INHBA: variants seen among roughly 807,000 people sequenced by gnomAD.
INHBA encodes the protein inhibin beta A chain.
In INHBA, 1 loss-of-function variant was observed where a neutral mutation model predicts 29.0. The ratio of observed to expected loss-of-function variants is 0.03; its 90% CI spans 0.01 to 0.16. INHBA has a LOEUF of 0.16. Among genes scored for constraint, INHBA ranks in the 10% least tolerant of loss-of-function variants. The pLI is 1.00. For missense variants in INHBA, 376 were observed against 545.4 expected, an observed-to-expected ratio of 0.69 and a Z score of 3.09; for synonymous variants, 242 against 216.8, an observed-to-expected ratio of 1.12 and a Z score of -1.02.
At chr7:41,691,221 C>G (rs916073682) in intron 2 of INHBA, 6 of 152,370 alleles carry the variant, frequency 3.9e-5, no homozygotes, top group African/African-American at 1.4e-4. Flanking sequence ...TCGAGACACA[C>G]TTGAGCCAGC....
intron 2 of INHBA, among the ~76,000 whole-genome samples, chr7:41,696,380 G>A (rs143588790): frequency 1.1e-3 from 160 of 152,220 alleles, no homozygotes; most frequent in African/African-American, 3.7e-3. Flanking sequence ...ATAGAGCTCC[G>A]GAATGTTCAC....
At chr7:41,704,473 C>CT (rs1484285253), upstream of INHBA, among the ~76,000 whole-genome samples, 2 of 152,090 alleles carry the variant, frequency 1.3e-5, no homozygotes, top group Non-Finnish European at 2.9e-5. Context: ...AACTCAAACC[C>CT]TTTATAAGAA....
chr7:41,704,255 G>T (rs968981688), upstream of INHBA, among the ~76,000 whole-genome samples: 2 of 152,034 alleles, frequency 1.3e-5, no homozygotes, highest in African/African-American at 4.8e-5. Context: ...TGTGTAAAAG[G>T]GTCTCTCTTG....
intron 2 of INHBA, among the ~76,000 whole-genome samples, chr7:41,693,746 T>A (rs1325801052): frequency 6.6e-6 from 1 of 152,210 alleles, no homozygotes; most frequent in East Asian, 1.9e-4. Context: ...ATTAACTGCA[T>A]GGCATCGCCT....
At chr7:41,694,829 G>A (rs1037539308) in intron 2 of INHBA, among the ~76,000 whole-genome samples, 13 of 152,126 alleles carry the variant, frequency 8.5e-5, no homozygotes, top group African/African-American at 2.7e-4. Flanking sequence ...CAGAAAAATG[G>A]GCAAAGAGAA....
At chr7:41,693,568 C>T (rs1403600092) in intron 2 of INHBA, among the ~76,000 whole-genome samples, 1 of 152,128 alleles carries the variant, frequency 6.6e-6, no homozygotes, top group African/African-American at 2.4e-5. Context: ...TGATCTAGCC[C>T]CACCCCTTCT....
intron 1 of INHBA, among the ~76,000 whole-genome samples, chr7:41,700,908 G>A (rs1269974794): frequency 1.4e-5 from 2 of 147,460 alleles, no homozygotes; most frequent in Admixed American, 1.4e-4. Flanking sequence ...GTGAGTGAAT[G>A]GAGAGGGAGG....
chr7:41,697,334 G>A (rs1794671573), intron 2 of INHBA, among the ~76,000 whole-genome samples: 1 of 152,188 alleles, frequency 6.6e-6, no homozygotes, highest in Admixed American at 6.5e-5. Context: ...GAGCCTTAGA[G>A]TGATTCCCTG....
chr7:41,695,867 G>A (rs1216835378), intron 2 of INHBA, among the ~76,000 whole-genome samples: 2 of 152,132 alleles, frequency 1.3e-5, no homozygotes, highest in African/African-American at 2.4e-5. Context: ...TCACGTGCAA[G>A]TATTTTTTAG....
rs141733287 is a variant in INHBA at position 41,690,385 on chromosome 7, C to T, written c.546G>A (p.Pro182=). The change falls in exon 3 of 3, where the codon CCG becomes CCA. Residue 182 remains proline (P), a synonymous_variant. Transcript: ENST00000242208. ...TIRLFQQQKH[P]QGSLDTGEEA... ...CTTCCCCTGTGTCCAAGCTGCCCTGCGGGTGCTTCTGCTGCTGGAAGAGGC... is the reference window on the plus strand; with the variant it reads ...CTTCCCCTGTGTCCAAGCTGCCCTGTGGGTGCTTCTGCTGCTGGAAGAGGC... 8.7e-6 allele frequency: 14 copies of T among 1,613,936 alleles called. No homozygotes were observed. In the Admixed American group the frequency reaches 1.0e-4, roughly 12 times the overall value.
At position 41,685,793 on chromosome 7, in the gene INHBA, C is replaced by A. The variant is rs1794382536; in HGVS notation, c.*3857G>T. 1 of 152,068 alleles carries A rather than the reference C, an allele frequency of 6.6e-6. No individual in the cohort carries two copies. Among genetic ancestry groups the A allele is most frequent in the Non-Finnish European group, 1.5e-5 (1 of 67,976 alleles). The allele number at this position is 152,068 out of a possible 1,614,324, so 9.4% of individuals were successfully genotyped here. ...GCTTCTAAGCATTCATTTTCTCTGACCCATACAACAGCTTCTCAGTGATAC... is the reference window on the plus strand; with the variant it reads ...GCTTCTAAGCATTCATTTTCTCTGAACCATACAACAGCTTCTCAGTGATAC... On this transcript the variant is annotated 3_prime_UTR_variant, in exon 3 of 3. Transcript: ENST00000242208.
In INHBA at chr7:41,690,268, G is replaced by C. The variant is rs776370904; in HGVS notation, c.663C>G (p.Phe221Leu). 1.2e-6 allele frequency: 2 copies of C among 1,614,056 alleles called. No individual in the cohort carries two copies. Among genetic ancestry groups the C allele is most frequent in the South Asian group, 1.1e-5 (1 of 91,066 alleles). Reference sequence around the variant, plus strand: ...ACCGCTGGATGCTGCTGGAGACAGGGAAGACATGCCAGGTGCTCTTCCGAG... The same window carrying C: ...ACCGCTGGATGCTGCTGGAGACAGGCAAGACATGCCAGGTGCTCTTCCGAG... ...VDARKSTWHV[F>L]PVSSSIQRLL... Residue 221 changes from phenylalanine to leucine, a missense_variant, in exon 3 of 3, where the codon TTC becomes TTG. Transcript: ENST00000242208.
In INHBA at chr7:41,688,241, A is replaced by G. The variant is rs889793120; in HGVS notation, c.*1409T>C. 6.6e-6 allele frequency: 1 copy of G among 152,268 alleles called. No individual in the cohort carries two copies. Among genetic ancestry groups the G allele is most frequent in the Non-Finnish European group, 1.5e-5 (1 of 68,046 alleles). 9.4% of individuals were successfully genotyped at this position (152,268 alleles called of 1,614,324 possible). On this transcript the variant is annotated 3_prime_UTR_variant, in exon 3 of 3. Coordinates refer to ENST00000242208, the MANE Select transcript of INHBA (RefSeq NM_002192.4). Reference sequence around the variant, plus strand: ...TATACATACAGATATGCATATGCACAAGCAATGTATATATACACATACAAG... The same window carrying G: ...TATACATACAGATATGCATATGCACGAGCAATGTATATATACACATACAAG...
At chr7:41,703,766 A>AACACACACAC, upstream of INHBA, among the ~76,000 whole-genome samples, 2 of 148,100 alleles carry the variant, frequency 1.4e-5, no homozygotes, top group South Asian at 2.2e-4. Context: ...TAACTAACCA[A>AACACACACAC]ACACACACAC....
chr7:41,696,857 A>G (rs1474555772), intron 2 of INHBA, among the ~76,000 whole-genome samples: 1 of 152,140 alleles, frequency 6.6e-6, no homozygotes, highest in Non-Finnish European at 1.5e-5. Context: ...AGTATCCTCC[A>G]AGGGGTAGAC....
chr7:41,689,440 T>C lies in INHBA; in HGVS notation c.*210A>G. 2.0e-6 allele frequency: 1 copy of C among 510,472 alleles called. No individual in the cohort carries two copies. The highest frequency in any genetic ancestry group is 3.4e-6 in the Non-Finnish European group (1 of 296,960). 31.6% of individuals were successfully genotyped at this position (510,472 alleles called of 1,614,324 possible). ...CCTGTCTCTTTCACTGCTTCATCTC[T>C]GAGCCCTGGCTAAGGATTTTTTCCA... On this transcript the variant is annotated 3_prime_UTR_variant, in exon 3 of 3. Transcript: ENST00000242208.
At position 41,700,285 on chromosome 7, in the gene INHBA, G is replaced by C; in HGVS notation, c.90C>G (p.Ser30Arg). ...CACAGGACGGACAGTCGGGGGCCGC[G>C]CTGTGCCCCTCGGATCCTGGGGTGG... ...SSPTPGSEGH[S>R]AAPDCPSCAL... Residue 30 changes from serine (S) to arginine (R), a missense_variant, in exon 2 of 3, where the codon AGC becomes AGG. Coordinates refer to ENST00000242208, the MANE Select transcript of INHBA (RefSeq NM_002192.4). 4.4e-6 allele frequency: 7 copies of C among 1,594,060 alleles called. No individual in the cohort carries two copies. The highest frequency in any genetic ancestry group is 6.0e-6 in the Non-Finnish European group (7 of 1,168,110).
intron 2 of INHBA, among the ~76,000 whole-genome samples, chr7:41,698,171 A>C (rs956352961): frequency 6.6e-6 from 1 of 152,224 alleles, no homozygotes; most frequent in Non-Finnish European, 1.5e-5. Context: ...CATAAGAAAG[A>C]ATGTAAATGG....
At chr7:41,693,653 G>A (rs1353644583) in intron 2 of INHBA, among the ~76,000 whole-genome samples, 1 of 152,210 alleles carries the variant, frequency 6.6e-6, no homozygotes, top group African/African-American at 2.4e-5. Flanking sequence ...GTACTCATTA[G>A]AGGGGGCTCA....
Sources: allele counts gnomAD v4.1 joint callset (sites outside exome capture counted in the v4.1 genomes callset), GRCh38; gene constraint gnomAD v4.1.1; transcripts MANE v1.5; gene names NCBI Gene and HGNC (gene_info 2026-07-23, HGNC 2026-07-21).